The following CCND3 variants were observed in gnomAD, a reference collection of about 807,000 sequenced individuals.
The protein encoded by CCND3 is G1/S-specific cyclin-D3.
A neutral mutation model predicts 28.7 loss-of-function variants in CCND3; 9 were observed. The observed-to-expected ratio is 0.31, with a 90% CI of 0.19 to 0.55. CCND3 has a LOEUF of 0.55. CCND3 is among the 20% of genes least tolerant of loss of function. The pLI is 0.93. For synonymous variants in CCND3, 164 were observed against 163.9 expected (o/e 1.00, Z 0.00); for missense variants, 315 against 385.8 (o/e 0.82, Z 1.54).
chr6:42,024,123 G>A (rs1205487103), intron 1 of CCND3, among the ~76,000 whole-genome samples: 1 of 152,120 alleles, frequency 6.6e-6, no homozygotes, highest in Admixed American at 6.5e-5. Flanking sequence ...GCACCCCATG[G>A]CTGGGTGCGG....
At chr6:42,043,558 A>G (rs1478188025) in intron 1 of CCND3, among the ~76,000 whole-genome samples, 1 of 151,556 alleles carries the variant, frequency 6.6e-6, no homozygotes, top group African/African-American at 2.4e-5. Context: ...TTAGCTGAGC[A>G]TGGTGGCGCC....
intron 1 of CCND3, among the ~76,000 whole-genome samples, chr6:41,980,010 T>TCA (rs58375638): frequency 1.5e-4 from 20 of 137,086 alleles, no homozygotes; most frequent in African/African-American, 4.6e-4. Context: ...GCTTTCAAAA[T>TCA]CACACACACA....
intron 1 of CCND3, among the ~76,000 whole-genome samples, chr6:42,042,567 T>C (rs1009672703): frequency 6.6e-6 from 1 of 151,990 alleles, no homozygotes; most frequent in African/African-American, 2.4e-5. Flanking sequence ...TCCATGTCGG[T>C]CAGGGTGGTC....
intron 1 of CCND3, among the ~76,000 whole-genome samples, chr6:41,998,332 T>G (rs1334624041): frequency 6.9e-6 from 1 of 144,038 alleles, no homozygotes. Flanking sequence ...TTCTTTTCCT[T>G]AATGTGACAA....
At chr6:42,036,465 A>G (rs1764224497) in intron 1 of CCND3, among the ~76,000 whole-genome samples, 1 of 120,508 alleles carries the variant, frequency 8.3e-6, no homozygotes, top group Admixed American at 1.1e-4. Context: ...GCTGGAGTGC[A>G]GTGGCACAAT....
At chr6:41,991,306 G>GC (rs1039805824) in intron 1 of CCND3, among the ~76,000 whole-genome samples, 7 of 151,980 alleles carry the variant, frequency 4.6e-5, no homozygotes, top group African/African-American at 1.7e-4. Context: ...TGATCCACCC[G>GC]CCTTGGTCTC....
chr6:41,941,750 C>T lies in CCND3; in HGVS notation c.-101G>A. 1.2e-6 allele frequency: 1 copy of T among 824,096 alleles called. No individual in the cohort carries two copies. The highest frequency in any genetic ancestry group is 1.6e-6 in the Non-Finnish European group (1 of 620,954). 51.0% of individuals were successfully genotyped at this position (824,096 alleles called of 1,614,324 possible). On this transcript the variant is annotated 5_prime_UTR_variant, in exon 1 of 5. Transcript: ENST00000372991. The surrounding 1 kb of genome is among the most constrained non-coding windows in gnomAD (Gnocchi z 6.1). ...GGCGCGGGTCTGGCGCTGGCGCTGGCACTGCGCGGCGGATCCCCAGCCCGC... is the reference window on the plus strand; with the variant it reads ...GGCGCGGGTCTGGCGCTGGCGCTGGTACTGCGCGGCGGATCCCCAGCCCGC...
chr6:42,025,491 A>G (rs4714556), intron 1 of CCND3, among the ~76,000 whole-genome samples: 59,695 of 152,034 alleles, frequency 0.39, 12,085 homozygotes, highest in East Asian at 0.61. Flanking sequence ...GGGTGAGTGA[A>G]GACATCTCCC....
At chr6:41,986,029 G>C (rs1762472319) in intron 1 of CCND3, among the ~76,000 whole-genome samples, 1 of 152,018 alleles carries the variant, frequency 6.6e-6, no homozygotes, top group Non-Finnish European at 1.5e-5. Context: ...ATTTATTGAA[G>C]AGATTGTCCT....
intron 1 of CCND3, among the ~76,000 whole-genome samples, chr6:41,973,980 C>G (rs1396873903): frequency 6.6e-6 from 1 of 152,164 alleles, no homozygotes; most frequent in East Asian, 1.9e-4. Context: ...GTCAAGACTT[C>G]GAGACCATCC....
rs141129150 is a variant in CCND3, at chr6:42,024,987, G to A, written c.-46+23514C>T. Among the ~76,000 whole-genome samples the A allele has an allele frequency of 7.3e-4, 111 of 152,326 alleles. 1 individual carries two copies. Among genetic ancestry groups the A allele is most frequent in the African/African-American group, 2.6e-3 (107 of 41,570 alleles). The stretch of plus-strand genomic sequence containing the variant: ...GCAGGAGAATCGCTCGAACCCAGGA[G>A]GTGGAGGTTGCAGTGAGACGAGATC... On this transcript the variant is annotated intron_variant, in intron 1 of 4. Coordinates refer to the CCND3 transcript ENST00000372988.
Position 41,936,718 on chromosome 6 carries a change from C to A in CCND3, c.575-23G>T, listed in dbSNP as rs374101322. ...AATCTTGGAGAGGAGGAAAGGGAAC[C>A]ATGAGAGAAGGAAACCTGAAGGATA... On this transcript the variant is annotated intron_variant, in intron 3 of 4. Coordinates refer to ENST00000372991, the MANE Select transcript of CCND3 (RefSeq NM_001760.5). This position sits in a 1 kb window ranked among gnomAD's most constrained non-coding sequence, Gnocchi z 4.4. 2.7e-5 allele frequency: 43 copies of A among 1,608,124 alleles called. No homozygotes were observed. Among genetic ancestry groups the A allele is most frequent in the Non-Finnish European group, 3.5e-5 (41 of 1,176,086 alleles).
chr6:41,990,267 A>G (rs149145070), intron 1 of CCND3, among the ~76,000 whole-genome samples: 1 of 152,262 alleles, frequency 6.6e-6, no homozygotes, highest in East Asian at 1.9e-4. Flanking sequence ...AAGGAAAACT[A>G]CAAAACACTG....
chr6:41,989,442 G>A (rs191056775), intron 1 of CCND3, among the ~76,000 whole-genome samples: 1 of 92,244 alleles, frequency 1.1e-5, no homozygotes, highest in Admixed American at 1.8e-4. Flanking sequence ...CGACAAGAGT[G>A]AAACACTGTC....
chr6:41,999,965 G>A (rs1188415877), intron 1 of CCND3, among the ~76,000 whole-genome samples: 1 of 152,012 alleles, frequency 6.6e-6, no homozygotes, highest in African/African-American at 2.4e-5. Flanking sequence ...GATAGAGAGG[G>A]CACACAAAAT....
intron 1 of CCND3, among the ~76,000 whole-genome samples, chr6:41,990,186 C>T (rs948192878): frequency 5.9e-5 from 9 of 151,726 alleles, no homozygotes; most frequent in Admixed American, 5.3e-4. Context: ...ATCAAGAATG[C>T]AATTCCATTA....
chr6:41,984,536 T>C (rs1462261316), intron 1 of CCND3, among the ~76,000 whole-genome samples: 1 of 152,066 alleles, frequency 6.6e-6, no homozygotes, highest in African/African-American at 2.4e-5. Flanking sequence ...TTAGTAGAGA[T>C]GGGGTTTCAC....
intron 1 of CCND3, chr6:42,030,198 G>A (rs1240246961): frequency 1.3e-5 from 2 of 152,344 alleles, no homozygotes; most frequent in Non-Finnish European, 2.9e-5. Context: ...GAGCTGGTAT[G>A]GGGGTAGCAC....
At chr6:41,978,557 A>C (rs1421654310) in intron 1 of CCND3, among the ~76,000 whole-genome samples, 1 of 151,728 alleles carries the variant, frequency 6.6e-6, no homozygotes, top group Non-Finnish European at 1.5e-5. Flanking sequence ...ACAACAACAA[A>C]CCCCTCAAAA....
Sources: gnomAD v4.1 joint callset for allele counts (sites outside exome capture counted in the v4.1 genomes callset) on GRCh38, gnomAD v4.1.1 for gene constraint, Gnocchi (gnomAD v3.1) non-coding constraint, MANE v1.5 for transcripts, NCBI Gene and HGNC (gene_info 2026-07-23, HGNC 2026-07-21) for gene names.